BCL2L13: variants seen among roughly 807,000 people sequenced by gnomAD.
BCL2L13 encodes the protein bcl-2-like protein 13.
A neutral mutation model predicts 25.8 loss-of-function variants in BCL2L13; 13 were observed. That is an observed-to-expected ratio of 0.50 (90% CI 0.33 to 0.80). BCL2L13 has a LOEUF of 0.80. Among genes scored for constraint, BCL2L13 ranks in the 30% least tolerant of loss-of-function variants. BCL2L13 has a pLI of 0.02. For synonymous variants in BCL2L13, 244 were observed against 230.3 expected (o/e 1.06, Z -0.54); for missense variants, 504 against 574.9 (o/e 0.88, Z 1.26).
chr22:17,681,648 G>A (rs1040773206), intron 2 of BCL2L13, among the ~76,000 whole-genome samples: 2 of 152,128 alleles, frequency 1.3e-5, no homozygotes, highest in Admixed American at 6.6e-5. Flanking sequence ...TCTCTTAAGA[G>A]CCTGAAATCT....
chr22:17,696,082 A>G, intron 4 of BCL2L13, 59 bp from the exon 5 acceptor site: 1 of 1,269,006 alleles, frequency 7.9e-7, no homozygotes, highest in South Asian at 1.2e-5. Context: ...ATATGTATTC[A>G]TCTGGAAATA....
At chr22:17,684,731 T>C (rs1186817310) in intron 3 of BCL2L13, 19 of 351,422 alleles carry the variant, frequency 5.4e-5, no homozygotes, top group Non-Finnish European at 8.9e-5. Flanking sequence ...ACCTGGCTAA[T>C]TTTTTGTATT....
chr22:17,727,629 C>T lies in BCL2L13; in HGVS notation c.*95C>T. 6.6e-7 allele frequency: 1 copy of T among 1,523,778 alleles called. No homozygotes were observed. The highest frequency in any genetic ancestry group is 8.9e-7 in the Non-Finnish European group (1 of 1,128,726). The allele number at this position is 1,523,778 out of a possible 1,614,324, so 94.4% of individuals were successfully genotyped here. On this transcript the variant is annotated 3_prime_UTR_variant, in exon 7 of 7. Coordinates refer to ENST00000317582, the MANE Select transcript of BCL2L13 (RefSeq NM_015367.4). Reference sequence around the variant, plus strand: ...AGCAGCTGTCTGGACATTTGTGGAACACTCTGGGATAATTGGGGACTTCTG... The same window carrying T: ...AGCAGCTGTCTGGACATTTGTGGAATACTCTGGGATAATTGGGGACTTCTG...
intron 1 of BCL2L13, among the ~76,000 whole-genome samples, chr22:17,644,844 T>C (rs1375326664): frequency 6.7e-6 from 1 of 149,712 alleles, no homozygotes; most frequent in Admixed American, 6.6e-5. Flanking sequence ...GGAGTCTTGC[T>C]CTGTCATCAG....
intron 2 of BCL2L13, among the ~76,000 whole-genome samples, chr22:17,656,435 C>T (rs2058867842): frequency 7.4e-6 from 1 of 135,620 alleles, no homozygotes; most frequent in Admixed American, 8.0e-5. Context: ...ACTGCAACCT[C>T]CACCTTCCCG....
chr22:17,642,221 T>A (rs1045643884), intron 1 of BCL2L13, among the ~76,000 whole-genome samples: 15 of 149,166 alleles, frequency 1.0e-4, no homozygotes, highest in Non-Finnish European at 1.8e-4. Context: ...GACTCCCAGG[T>A]TGAACCTAAC....
At chr22:17,715,371 A>G (rs542865952) in intron 6 of BCL2L13, among the ~76,000 whole-genome samples, 3 of 150,000 alleles carry the variant, frequency 2.0e-5, no homozygotes, top group South Asian at 4.3e-4. Context: ...TTGTAGAGAT[A>G]GGATCTCACT....
At chr22:17,668,155 C>T (rs916754319) in intron 2 of BCL2L13, among the ~76,000 whole-genome samples, 1 of 151,480 alleles carries the variant, frequency 6.6e-6, no homozygotes, top group East Asian at 1.9e-4. Flanking sequence ...GGATTACAGG[C>T]GCACACCACG....
chr22:17,700,249 T>C (rs1354286899), intron 5 of BCL2L13, among the ~76,000 whole-genome samples: 1 of 152,018 alleles, frequency 6.6e-6, no homozygotes, highest in African/African-American at 2.4e-5. Context: ...AATAAGAGAA[T>C]AGTGGATTTC....
intron 2 of BCL2L13, among the ~76,000 whole-genome samples, chr22:17,668,391 A>G (rs1441325335): frequency 6.6e-6 from 1 of 150,646 alleles, no homozygotes; most frequent in East Asian, 1.9e-4. Context: ...GTACATTTTC[A>G]CCTGTGTTTC....
intron 2 of BCL2L13, among the ~76,000 whole-genome samples, chr22:17,669,092 G>T (rs1343193991): frequency 1.4e-5 from 2 of 140,278 alleles, no homozygotes; most frequent in Non-Finnish European, 3.0e-5. Context: ...GAGTGCAGTG[G>T]TGCGATCTCA....
At chr22:17,716,061 A>G (rs958831118) in intron 6 of BCL2L13, among the ~76,000 whole-genome samples, 1 of 152,236 alleles carries the variant, frequency 6.6e-6, no homozygotes, top group Non-Finnish European at 1.5e-5. Context: ...AGCATTTATA[A>G]TGTCATTGAG....
chr22:17,668,906 C>CT (rs1185583186), intron 2 of BCL2L13, among the ~76,000 whole-genome samples: 3 of 151,822 alleles, frequency 2.0e-5, no homozygotes, highest in African/African-American at 7.3e-5. Context: ...GAGATGAGGG[C>CT]TTTTAGAGGT....
At chr22:17,644,251 T>A (rs931424645) in intron 1 of BCL2L13, among the ~76,000 whole-genome samples, 5 of 151,396 alleles carry the variant, frequency 3.3e-5, no homozygotes, top group Admixed American at 1.3e-4. Flanking sequence ...TGTGATGGAT[T>A]TATCTGTGAA....
rs965336545 is a variant in BCL2L13, at chr22:17,678,659, C to T, written c.122-4555C>T. 7.2e-5 allele frequency among the ~76,000 whole-genome samples: 11 copies of T among 152,136 alleles called. 1 individual carries two copies. The highest frequency in any genetic ancestry group is 2.4e-4 in the African/African-American group (10 of 41,436). ...ATAACACATAGGAAATGTTTACTAC[C>T]GTGCCTGTTAAGTAACAGGTACTTT... is the stretch of plus-strand genomic sequence containing the variant. On this transcript the variant is annotated intron_variant, in intron 2 of 6. Transcript: ENST00000317582.
In BCL2L13 at chr22:17,699,890, C is replaced by T. The variant is rs533491675; in HGVS notation, c.457-2353C>T. Among the ~76,000 whole-genome samples the T allele has an allele frequency of 1.4e-3, 219 of 152,182 alleles. 6 individuals are homozygous for T. In the South Asian group the frequency reaches 0.043, roughly 30 times the overall value. ...GTGTGTAGGATTATGTGTAAATCCT[C>T]TTAGGATTTAGCTGCTTAAAGACAA... On this transcript the variant is annotated intron_variant, in intron 5 of 6. Coordinates refer to ENST00000317582, the MANE Select transcript of BCL2L13 (RefSeq NM_015367.4).
intron 6 of BCL2L13, among the ~76,000 whole-genome samples, chr22:17,716,216 G>C (rs1437786873): frequency 1.3e-5 from 2 of 152,210 alleles, no homozygotes; most frequent in African/African-American, 2.4e-5. Flanking sequence ...ACTTAAGCCA[G>C]ACCCTGCTGG....
intron 1 of BCL2L13, among the ~76,000 whole-genome samples, chr22:17,652,345 A>C (rs1228811336): frequency 1.3e-5 from 2 of 152,184 alleles, no homozygotes. Context: ...GCCACACATT[A>C]AGCACATTTA....
intron 2 of BCL2L13, among the ~76,000 whole-genome samples, chr22:17,662,257 T>A (rs1464977783): frequency 1.3e-5 from 2 of 152,114 alleles, no homozygotes; most frequent in Non-Finnish European, 2.9e-5. Flanking sequence ...GGCGGGCGGA[T>A]CACGAGGTCA....
Sources: gnomAD v4.1 joint callset for allele counts (sites outside exome capture counted in the v4.1 genomes callset) on GRCh38, gnomAD v4.1.1 for gene constraint, MANE v1.5 for transcripts, NCBI Gene and HGNC (gene_info 2026-07-23, HGNC 2026-07-21) for gene names.